The following TMEM94 variants were observed in gnomAD, a reference collection of about 807,000 sequenced individuals.
TMEM94 encodes transmembrane protein 94, also known as ER Mg2+ ATPase.
In TMEM94, 81 loss-of-function variants were observed where a neutral mutation model predicts 158.6. That is an observed-to-expected ratio of 0.51 (90% CI 0.43 to 0.61). The LOEUF is 0.61. TMEM94 is among the 20% of genes least tolerant of loss of function. TMEM94 has a pLI of 0.00. For synonymous variants in TMEM94, 751 were observed against 730.7 expected, an observed-to-expected ratio of 1.03 and a Z score of -0.45; for missense variants, 1,435 against 1,762.0, an observed-to-expected ratio of 0.81 and a Z score of 3.32.
intron 6 of TMEM94, among the ~76,000 whole-genome samples, 166 bp downstream of exon 6, chr17:75,488,300 AG>A (rs1441645535): frequency 2.0e-5 from 3 of 152,160 alleles, no homozygotes; most frequent in African/African-American, 7.2e-5. Context: ...TTTTTGAAAC[AG>A]GGTCTCACCC....
chr17:75,493,387 C>A, intron 16 of TMEM94, 104 bp from the exon 17 acceptor site: 1 of 1,175,954 alleles, frequency 8.5e-7, no homozygotes, highest in Admixed American at 1.9e-5. Context: ...CCTCCTCTGG[C>A]AGGGGCTCCT....
In TMEM94 at chr17:75,485,589, G is replaced by T. The variant is rs193267192; in HGVS notation, c.144+42G>T. On this transcript the variant is annotated intron_variant, in intron 3 of 31. Coordinates refer to ENST00000314256, the MANE Select transcript of TMEM94 (RefSeq NM_014738.6). The surrounding 1 kb of genome is among the most constrained non-coding windows in gnomAD (Gnocchi z 5.5). ...GGGCTACCAGGGCCTGGCTGGGATGGCAGGGAAGTGTGGGAGGCCCCTTCT... is the reference window on the plus strand; with the variant it reads ...GGGCTACCAGGGCCTGGCTGGGATGTCAGGGAAGTGTGGGAGGCCCCTTCT... The T allele has an allele frequency of 2.2e-3, 3,479 of 1,613,212 alleles. 12 individuals are homozygous for T. The highest frequency in any genetic ancestry group is 2.1e-3 in the Non-Finnish European group (2,433 of 1,179,340).
chr17:75,488,225 C>A, intron 6 of TMEM94, 91 bp downstream of exon 6: 1 of 1,282,666 alleles, frequency 7.8e-7, no homozygotes, highest in Non-Finnish European at 1.1e-6. Context: ...CCGGAAGCTT[C>A]CCGGCCAGCT....
chr17:75,484,148 G>C (rs1444661506), intron 2 of TMEM94, among the ~76,000 whole-genome samples: 1 of 152,230 alleles, frequency 6.6e-6, no homozygotes, highest in Non-Finnish European at 1.5e-5. Context: ...TGAGATGGGA[G>C]TGTGCCTCTG....
chr17:75,496,274 C>T lies in TMEM94; in HGVS notation c.3054-8C>T, dbSNP rs1243738097. 6.2e-7 allele frequency: 1 copy of T among 1,614,064 alleles called. No homozygotes were observed. The highest frequency in any genetic ancestry group is 2.2e-5 in the East Asian group (1 of 44,898). On this transcript the variant is annotated splice_region_variant and splice_polypyrimidine_tract_variant and intron_variant, in intron 23 of 31. Coordinates refer to ENST00000314256, the MANE Select transcript of TMEM94 (RefSeq NM_014738.6). ...AGCTGAAGTGTGTGTGTCCCCCACC[C>T]TGAGCAGCATTGCCCTGGATCCCCT...
At chr17:75,464,734 G>A (rs2050243670) in intron 1 of TMEM94, among the ~76,000 whole-genome samples, 1 of 143,692 alleles carries the variant, frequency 7.0e-6, no homozygotes, top group African/African-American at 2.6e-5. Context: ...TTGAGACGGA[G>A]TTTCACTCTT....
chr17:75,498,828 C>T lies in TMEM94; in HGVS notation c.3828-84C>T. 1 of 1,522,438 alleles carries T rather than the reference C, an allele frequency of 6.6e-7. No individual in the cohort carries two copies. Among genetic ancestry groups the T allele is most frequent in the Non-Finnish European group, 8.8e-7 (1 of 1,134,164 alleles). 94.3% of individuals were successfully genotyped at this position (1,522,438 alleles called of 1,614,324 possible). A position where few individuals can be genotyped will look rare whatever the true frequency, so the allele number is the denominator to read the frequency against. On this transcript the variant is annotated intron_variant, in intron 30 of 31. Transcript: ENST00000314256. This position sits in a 1 kb window ranked among gnomAD's most constrained non-coding sequence, Gnocchi z 6.7. ...CCGGGGCCAGTGGTTTAACTGTACC[C>T]TGCCTGAGCTAACTGTTGTACTGGG...
Position 75,498,137 on chromosome 17 carries a change from G to T in TMEM94, c.3490-38G>T, listed in dbSNP as rs760580557. On this transcript the variant is annotated intron_variant, in intron 27 of 31. Transcript: ENST00000314256. This position sits in a 1 kb window ranked among gnomAD's most constrained non-coding sequence, Gnocchi z 6.7. ...AGAGCTAGGAGCAGCCGGCAGAGGGGCTGTGCGCCCCAGGAGTGACTGGCC... is the reference window on the plus strand; with the variant it reads ...AGAGCTAGGAGCAGCCGGCAGAGGGTCTGTGCGCCCCAGGAGTGACTGGCC... 4 of 1,609,420 alleles carry T rather than the reference G, an allele frequency of 2.5e-6. No homozygotes were observed. In the South Asian group the frequency reaches 4.4e-5, roughly 18 times the overall value.
chr17:75,498,227 G>A lies in TMEM94; in HGVS notation c.3542G>A (p.Ser1181Asn). The A allele has an allele frequency of 6.2e-7, 1 of 1,613,906 alleles. No individual in the cohort carries two copies. The highest frequency in any genetic ancestry group is 8.5e-7 in the Non-Finnish European group (1 of 1,180,028). The change falls in exon 28 of 32, where the codon AGC becomes AAC. Residue 1181 changes from serine to asparagine, a missense_variant. Physicochemically the swap from Ser to Asn is conservative, Grantham distance 46. Transcript: ENST00000314256. This position sits in a 1 kb window ranked among gnomAD's most constrained non-coding sequence, Gnocchi z 6.7. ...CTGCTCAAGTTCAGCCTCACCATCA[G>A]CTCCTGCCTCATCTGCTTTGGCTTC... ...CFLLKFSLTI[S>N]SCLICFGFTL...
At chr17:75,490,039 A>G (rs941810653) in intron 9 of TMEM94, 195 bp from the exon 10 acceptor site, 17 of 700,882 alleles carry the variant, frequency 2.4e-5, no homozygotes, top group African/African-American at 7.3e-5. Context: ...AGATCACGCC[A>G]CTGCCCTCCA....
rs2052225190 is a variant in TMEM94, at chr17:75,491,893, C to T, written c.1589C>T (p.Pro530Leu). Residue 530 changes from proline (P) to leucine (L), a missense_variant, in exon 14 of 32, where the codon CCC becomes CTC. Around this residue, in one of 3 missense-constraint regions of TMEM94, gnomAD observed 1,051 missense variants for 1,254.4 expected, o/e 0.84. Coordinates refer to ENST00000314256, the MANE Select transcript of TMEM94 (RefSeq NM_014738.6). The surrounding 1 kb of genome is among the most constrained non-coding windows in gnomAD (Gnocchi z 5.1). ...GACACCGAGGGTGGTGAAGAAGAGC[C>T]CAGCAAGGTGACGGGAGGGGGTGGC... Reference protein sequence around the residue: ...SRDTEGGEEEPSKTQPGMESD... With the variant: ...SRDTEGGEEELSKTQPGMESD... 1 of 1,611,658 alleles carries T rather than the reference C, an allele frequency of 6.2e-7. No homozygotes were observed. The highest frequency in any genetic ancestry group is 8.5e-7 in the Non-Finnish European group (1 of 1,179,086).
chr17:75,493,938 C>G (rs373675652), intron 18 of TMEM94, 22 bp downstream of exon 18: 1 of 1,595,810 alleles, frequency 6.3e-7, no homozygotes, highest in African/African-American at 1.3e-5. Flanking sequence ...GTCTGTCCAG[C>G]GGGGCTGGTG....
At position 75,486,344 on chromosome 17, in the gene TMEM94, C is replaced by T; in HGVS notation, c.327C>T (p.Asn109=). ...ASALFLLLLL[N]LVLIGRQDRL... ...CCTTGTTCCTGTTACTGCTTCTCAA[C>T]CTTGTGCTCATCGGGCGGCAAGACC... Residue 109 remains asparagine (N), a synonymous_variant, in exon 5 of 32, where the codon AAC becomes AAT. Transcript: ENST00000314256. 1 of 1,614,200 alleles carries T rather than the reference C, an allele frequency of 6.2e-7. No homozygotes were observed. Among genetic ancestry groups the T allele is most frequent in the Non-Finnish European group, 8.5e-7 (1 of 1,180,034 alleles).
rs372545349 is a variant in TMEM94, at chr17:75,494,730, C to T, written c.2511C>T (p.Ile837=). The change falls in exon 19 of 32, where the codon ATC becomes ATT. Residue 837 remains isoleucine, a synonymous_variant. Coordinates refer to ENST00000314256, the MANE Select transcript of TMEM94 (RefSeq NM_014738.6). ...VSSQYQARLD[I]VRLIDGLVNA... Reference sequence around the variant, plus strand: ...CCCAGTACCAGGCCCGGCTGGACATCGTGCGCCTCATTGATGGGCTTGTCA... The same window carrying T: ...CCCAGTACCAGGCCCGGCTGGACATTGTGCGCCTCATTGATGGGCTTGTCA... The T allele has an allele frequency of 7.4e-5, 119 of 1,613,638 alleles. No homozygotes were observed. The highest frequency in any genetic ancestry group is 9.6e-5 in the Non-Finnish European group (113 of 1,180,042).
intron 10 of TMEM94, 75 bp downstream of exon 10, chr17:75,490,425 C>T: frequency 6.6e-7 from 1 of 1,514,034 alleles, no homozygotes; most frequent in Admixed American, 1.8e-5. Context: ...AGGACGGGGG[C>T]AGAAGTCCAG....
At chr17:75,481,664 A>G (rs892145526) in intron 2 of TMEM94, among the ~76,000 whole-genome samples, 11 of 152,258 alleles carry the variant, frequency 7.2e-5, no homozygotes, top group Non-Finnish European at 1.6e-4. Flanking sequence ...TCTGGGAGAC[A>G]GAACTGTGGG....
intron 1 of TMEM94, among the ~76,000 whole-genome samples, chr17:75,467,706 G>T (rs1036149830): frequency 1.3e-5 from 2 of 150,000 alleles, no homozygotes; most frequent in African/African-American, 4.9e-5. Context: ...CTAATTTTTT[G>T]TATTTTTAGT....
Position 75,485,857 on chromosome 17 carries a change from T to C in TMEM94, c.145-14T>C, listed in dbSNP as rs2051551287. ...CAGGCCTCTCATTGTCCCCTCCCTG[T>C]CCGAACTTCCCAGGAGGTGTGGAGA... On this transcript the variant is annotated splice_polypyrimidine_tract_variant and intron_variant, in intron 3 of 31. Transcript: ENST00000314256. The surrounding 1 kb of genome is among the most constrained non-coding windows in gnomAD (Gnocchi z 5.5). 1 of 1,604,484 alleles carries C rather than the reference T, an allele frequency of 6.2e-7. No homozygotes were observed. Among genetic ancestry groups the C allele is most frequent in the Admixed American group, 1.7e-5 (1 of 59,456 alleles).
rs756051812 is a variant in TMEM94 at position 75,489,570 on chromosome 17, C to G, written c.868-6C>G. 3 of 1,613,788 alleles carry G rather than the reference C, an allele frequency of 1.9e-6. No individual in the cohort carries two copies. Among genetic ancestry groups the G allele is most frequent in the Non-Finnish European group, 2.5e-6 (3 of 1,179,766 alleles). On this transcript the variant is annotated splice_region_variant and splice_polypyrimidine_tract_variant and intron_variant, in intron 8 of 31. Coordinates refer to ENST00000314256, the MANE Select transcript of TMEM94 (RefSeq NM_014738.6). This position sits in a 1 kb window ranked among gnomAD's most constrained non-coding sequence, Gnocchi z 5.0. The stretch of plus-strand genomic sequence containing the variant: ...GTCAAGGCTGTGCCTCTGCTGTTCC[C>G]AACAGGCCGGCTTCCTCATCACCAA...
Sources: gnomAD v4.1 joint callset for allele counts (sites outside exome capture counted in the v4.1 genomes callset) on GRCh38, gnomAD v4.1.1 for gene constraint, gnomAD v4.1.1 regional missense constraint, Gnocchi (gnomAD v3.1) non-coding constraint, MANE v1.5 for transcripts, NCBI Gene and HGNC (gene_info 2026-07-23, HGNC 2026-07-21) for gene names.